ACAA2: variants seen among roughly 807,000 people sequenced by gnomAD.
ACAA2 encodes acetyl-CoA acyltransferase 2.
In ACAA2, 35 loss-of-function variants were observed where a neutral mutation model predicts 44.8. That is an observed-to-expected ratio of 0.78 (90% CI 0.60 to 1.04). ACAA2 has a LOEUF of 1.04. Among genes scored for constraint, ACAA2 ranks in the 50% least tolerant of loss-of-function variants. The pLI is 0.00. For missense variants in ACAA2, 468 were observed against 482.6 expected (o/e 0.97, Z 0.28); for synonymous variants, 142 against 166.5 (o/e 0.85, Z 1.13).
At chr18:49,796,364 C>G (rs1434735802) in intron 3 of ACAA2, among the ~76,000 whole-genome samples, 1 of 152,150 alleles carries the variant, frequency 6.6e-6, no homozygotes, top group African/African-American at 2.4e-5. Flanking sequence ...CACTGTTTGC[C>G]TTTCTCAGAA....
intron 2 of ACAA2, among the ~76,000 whole-genome samples, chr18:49,799,336 T>A: frequency 6.6e-6 from 1 of 151,444 alleles, no homozygotes; most frequent in Non-Finnish European, 1.5e-5. Flanking sequence ...TGCCTCAGCC[T>A]GCTGAGTGCC....
rs1347357878 is a variant in ACAA2, at chr18:49,801,812, A to ATATATATATC, written c.183+874_183+875insGATATATATA. 3.1e-3 allele frequency among the ~76,000 whole-genome samples: 439 copies of ATATATATATC among 143,286 alleles called. 5 individuals carry two copies. The highest frequency in any genetic ancestry group is 0.011 in the Middle Eastern group (3 of 276). The allele number at this position is 143,286 out of a possible 152,430, so 94.0% of individuals were successfully genotyped here. ...TATATATATATATATATATATATAT[A>ATATATATATC]TATCTTATCTTTTTCATTAGATTAT... On this transcript the variant is annotated intron_variant, in intron 2 of 9. Transcript: ENST00000285093.
chr18:49,810,888 T>C (rs1427866078), intron 1 of ACAA2, among the ~76,000 whole-genome samples: 1 of 128,256 alleles, frequency 7.8e-6, no homozygotes, highest in Non-Finnish European at 1.8e-5. Flanking sequence ...GGTTTCTCTA[T>C]TTTAAAAAAT....
rs760038357 is a variant in ACAA2 at position 49,794,265 on chromosome 18, T to C, written c.577+15A>G. On this transcript the variant is annotated intron_variant, in intron 5 of 9. Coordinates refer to ENST00000285093, the MANE Select transcript of ACAA2 (RefSeq NM_006111.3). Reference sequence around the variant, plus strand: ...ATTTATTCTATAGATACTGATACTTTCCAGTTTCACTCACCAGCTTTCCAT... The same window carrying C: ...ATTTATTCTATAGATACTGATACTTCCCAGTTTCACTCACCAGCTTTCCAT... The C allele has an allele frequency of 8.2e-6, 13 of 1,587,210 alleles. No homozygotes were observed. In the Admixed American group the frequency reaches 1.4e-4, roughly 17 times the overall value.
At chr18:49,812,643 G>C (rs1439956712) in intron 1 of ACAA2, 1 of 152,074 alleles carries the variant, frequency 6.6e-6, no homozygotes, top group African/African-American at 2.4e-5. Context: ...CCCAAATTCG[G>C]ACAGAGTGGA....
chr18:49,804,072 G>A (rs1189626697), intron 1 of ACAA2, among the ~76,000 whole-genome samples: 2 of 151,914 alleles, frequency 1.3e-5, no homozygotes, highest in African/African-American at 2.4e-5. Flanking sequence ...CACCAGGCCC[G>A]GCTAATTTTT....
Position 49,787,279 on chromosome 18 carries a change from A to AAAAC in ACAA2, c.954+11_954+12insGTTT. 1 of 1,466,112 alleles carries AAAAC rather than the reference A, an allele frequency of 6.8e-7. No individual in the cohort carries two copies. The highest frequency in any genetic ancestry group is 9.0e-7 in the Non-Finnish European group (1 of 1,116,454). The allele number at this position is 1,466,112 out of a possible 1,614,324, so 90.8% of individuals were successfully genotyped here. ...TGTTGTTAAAAAAAAAAAAAAAAAA[A>AAAAC]AAAACACTTACCTCTACCAAATCCA... On this transcript the variant is annotated intron_variant, in intron 8 of 9. Transcript: ENST00000285093.
intron 8 of ACAA2, chr18:49,786,347 A>C (rs1307351292): frequency 6.6e-6 from 1 of 152,194 alleles, no homozygotes. Context: ...ATTATGAACA[A>C]CTTCCCAAAG....
In ACAA2 at chr18:49,805,572, CT is replaced by C. The variant is rs557565825; in HGVS notation, c.17-2720del. Among the ~76,000 whole-genome samples the C allele has an allele frequency of 1.9e-4, 28 of 148,020 alleles. No homozygotes were observed. The East Asian group carries it at 3.1e-3, about 17-fold the overall frequency. On this transcript the variant is annotated intron_variant, in intron 1 of 9. Coordinates refer to ENST00000285093, the MANE Select transcript of ACAA2 (RefSeq NM_006111.3). ...CTGCCTATTTTTATATCAGTGTTTT[CT>C]TTTTTTTTTGAGACAGTCTTGCTCT...
chr18:49,800,192 G>A (rs1284134214), intron 2 of ACAA2, among the ~76,000 whole-genome samples: 3 of 133,668 alleles, frequency 2.2e-5, no homozygotes, highest in African/African-American at 5.8e-5. Context: ...TCAGCCCCCC[G>A]CCCGGCCAGC....
chr18:49,813,176 T>G (rs1309535082), intron 1 of ACAA2: 1 of 341,524 alleles, frequency 2.9e-6, no homozygotes, highest in African/African-American at 2.1e-5. Flanking sequence ...GTGGGGTCAC[T>G]GTTAGGCGAA....
At chr18:49,796,626 CTAGTTTGTACTT>C (rs2023467997) in intron 3 of ACAA2, among the ~76,000 whole-genome samples, 1 of 152,154 alleles carries the variant, frequency 6.6e-6, no homozygotes, top group Admixed American at 6.5e-5. Flanking sequence ...AAAGGTCAAA[CTAGTTTGTACTT>C]CTACTAACAG....
At chr18:49,807,397 T>G (rs931775078) in intron 1 of ACAA2, among the ~76,000 whole-genome samples, 2 of 151,490 alleles carry the variant, frequency 1.3e-5, no homozygotes, top group Non-Finnish European at 2.9e-5. Context: ...AACAAAGAGA[T>G]CATAGACTTA....
At chr18:49,786,830 A>G (rs2023335395) in intron 8 of ACAA2, among the ~76,000 whole-genome samples, 1 of 152,214 alleles carries the variant, frequency 6.6e-6, no homozygotes. Context: ...ATCCCAAATC[A>G]AGCTACAACT....
chr18:49,791,542 G>C lies in ACAA2; in HGVS notation c.811C>G (p.His271Asp). The C allele has an allele frequency of 6.2e-7, 1 of 1,612,958 alleles. No individual in the cohort carries two copies. Among genetic ancestry groups the C allele is most frequent in the South Asian group, 1.1e-5 (1 of 91,030 alleles). Residue 271 changes from histidine (H) to aspartate (D), a missense_variant, in exon 7 of 10, where the codon CAT becomes GAT. Coordinates refer to ENST00000285093, the MANE Select transcript of ACAA2 (RefSeq NM_006111.3). ...ATTCTTGCCAGTGGTGTGAAGTTAT[G>C]TTTCTTAACAGCATCTTCACTAGCT... ...IIASEDAVKK[H>D]NFTPLARIVG...
Position 49,797,467 on chromosome 18 carries a change from T to G in ACAA2, c.311A>C (p.Gln104Pro). 1.2e-6 allele frequency: 2 copies of G among 1,606,434 alleles called. No individual in the cohort carries two copies. Among genetic ancestry groups the G allele is most frequent in the Non-Finnish European group, 1.7e-6 (2 of 1,178,232 alleles). ...SGFQSIVNGC[Q>P]EICVKEAEVV... ...AATTTAAAAAAATGTTGTCCATACC[T>G]GACATCCATTCACAATGGACTGAAA... Residue 104 changes from glutamine to proline, a missense_variant and splice_region_variant, in exon 3 of 10, where the codon CAG becomes CCG. By Grantham distance (76) the Gln-to-Pro change is moderately conservative. Transcript: ENST00000285093.
chr18:49,792,660 C>G (rs1045702631), intron 5 of ACAA2, among the ~76,000 whole-genome samples: 10 of 152,018 alleles, frequency 6.6e-5, no homozygotes, highest in Non-Finnish European at 1.3e-4. Flanking sequence ...GTTGGCCATG[C>G]TAGCCTCGAA....
At chr18:49,785,484 T>G in intron 8 of ACAA2, 133 bp from the exon 9 acceptor site, 1 of 821,580 alleles carries the variant, frequency 1.2e-6, no homozygotes, top group Non-Finnish European at 1.9e-6. Flanking sequence ...AGTTATTTTA[T>G]CTACAATCAT....
chr18:49,791,288 G>A (rs1341286674), intron 7 of ACAA2, among the ~76,000 whole-genome samples, 182 bp downstream of exon 7: 3 of 152,014 alleles, frequency 2.0e-5, no homozygotes, highest in East Asian at 1.9e-4. Context: ...GAGTTTACAC[G>A]GTCTTGGTTT....
Sources: allele counts gnomAD v4.1 joint callset (sites outside exome capture counted in the v4.1 genomes callset), GRCh38; gene constraint gnomAD v4.1.1; transcripts MANE v1.5; gene names NCBI Gene and HGNC (gene_info 2026-07-23, HGNC 2026-07-21).